The following L3MBTL4 variants were observed in gnomAD, a reference collection of about 807,000 sequenced individuals.
The protein encoded by L3MBTL4 is lethal(3)malignant brain tumor-like protein 4.
A neutral mutation model predicts 84.5 loss-of-function variants in L3MBTL4; 70 were observed. The observed-to-expected ratio is 0.83, with a 90% CI of 0.68 to 1.01. L3MBTL4 has a LOEUF of 1.01. Ranked by LOEUF, L3MBTL4 falls within the 50% of genes least tolerant of loss-of-function variation. The pLI is 0.00. For missense variants in L3MBTL4, 715 were observed against 754.8 expected, an observed-to-expected ratio of 0.95 and a Z score of 0.62; for synonymous variants, 274 against 259.8, an observed-to-expected ratio of 1.05 and a Z score of -0.52.
At chr18:6,057,592 C>T (rs2057069757) in intron 16 of L3MBTL4, among the ~76,000 whole-genome samples, 3 of 151,722 alleles carry the variant, frequency 2.0e-5, no homozygotes, top group Admixed American at 2.0e-4. Context: ...TTTTTCTGAA[C>T]CTCAAAATCA....
chr18:6,125,730 T>A (rs1039595435), intron 14 of L3MBTL4, among the ~76,000 whole-genome samples: 2 of 152,212 alleles, frequency 1.3e-5, no homozygotes, highest in Non-Finnish European at 2.9e-5. Flanking sequence ...GTGCCTGACC[T>A]TCTTTTTAAG....
intron 10 of L3MBTL4, among the ~76,000 whole-genome samples, chr18:6,217,126 T>C (rs2046359188): frequency 6.6e-6 from 1 of 151,994 alleles, no homozygotes; most frequent in Admixed American, 6.6e-5. Context: ...ATTTTTATGC[T>C]TTTTAATAAA....
At chr18:6,371,906 T>A (rs539177332) in intron 1 of L3MBTL4, among the ~76,000 whole-genome samples, 1 of 152,320 alleles carries the variant, frequency 6.6e-6, no homozygotes, top group South Asian at 2.1e-4. Flanking sequence ...CACAATAGCC[T>A]CTCTTCAATG....
chr18:6,115,646 T>C (rs1243217949), intron 14 of L3MBTL4, among the ~76,000 whole-genome samples: 1 of 152,166 alleles, frequency 6.6e-6, no homozygotes, highest in African/African-American at 2.4e-5. Flanking sequence ...CGAGCACATT[T>C]AAATGTGTCT....
chr18:6,319,745 T>G (rs1241867164), intron 1 of L3MBTL4, among the ~76,000 whole-genome samples: 1 of 152,062 alleles, frequency 6.6e-6, no homozygotes, highest in Non-Finnish European at 1.5e-5. Context: ...TCTGAAAGAC[T>G]GAGAAAGAGG....
Position 6,138,314 on chromosome 18 carries a change from A to G in L3MBTL4, c.1097-18T>C, listed in dbSNP as rs2060092528. The G allele has an allele frequency of 1.3e-6, 2 of 1,515,920 alleles. No individual in the cohort carries two copies. Among genetic ancestry groups the G allele is most frequent in the Admixed American group, 1.7e-5 (1 of 57,994 alleles). 93.9% of individuals were successfully genotyped at this position (1,515,920 alleles called of 1,614,324 possible). ...ATTCGTTCCTTCAGGAAGTAAAAGAACATGCCTTGAAAACACCCTCATTAA... is the reference window on the plus strand; with the variant it reads ...ATTCGTTCCTTCAGGAAGTAAAAGAGCATGCCTTGAAAACACCCTCATTAA... On this transcript the variant is annotated intron_variant, in intron 13 of 18. Transcript: ENST00000317931.
intron 13 of L3MBTL4, among the ~76,000 whole-genome samples, chr18:6,141,909 T>G (rs2060207392): frequency 6.6e-6 from 1 of 152,200 alleles, no homozygotes; most frequent in Admixed American, 6.5e-5. Flanking sequence ...CCTACATGAT[T>G]TATGATTGGA....
intron 16 of L3MBTL4, among the ~76,000 whole-genome samples, chr18:5,990,525 C>T (rs1237369154): frequency 6.6e-6 from 1 of 152,112 alleles, no homozygotes; most frequent in East Asian, 1.9e-4. Context: ...TAGTCACAAA[C>T]CCAGAATCAT....
At chr18:5,997,610 C>T (rs559670116) in intron 16 of L3MBTL4, among the ~76,000 whole-genome samples, 41 of 152,234 alleles carry the variant, frequency 2.7e-4, no homozygotes, top group Non-Finnish European at 4.7e-4. Flanking sequence ...AAGCCCCCTC[C>T]CCCACCTTGA....
At chr18:6,393,979 A>G (rs1212102626) in intron 1 of L3MBTL4, among the ~76,000 whole-genome samples, 1 of 151,760 alleles carries the variant, frequency 6.6e-6, no homozygotes, top group East Asian at 1.9e-4. Context: ...CTGTTCCTCA[A>G]CCAAGCCCAC....
At chr18:6,081,593 T>C (rs1451325052) in intron 15 of L3MBTL4, among the ~76,000 whole-genome samples, 1 of 152,208 alleles carries the variant, frequency 6.6e-6, no homozygotes, top group African/African-American at 2.4e-5. Flanking sequence ...AAGTAATTTA[T>C]TTGTATATAT....
rs377115473 is a variant in L3MBTL4, at chr18:6,264,017, C to T, written c.149G>A (p.Gly50Glu). ...LSHVPSAAAQ[G>E]AWSWEWYLKE... ...CAAGTACCACTCCCAAGACCATGCTCCCTGTGCAGCCGCTGAAGGGACTGG... is the reference window on the plus strand; with the variant it reads ...CAAGTACCACTCCCAAGACCATGCTTCCTGTGCAGCCGCTGAAGGGACTGG... Residue 50 changes from glycine to glutamate, a missense_variant, in exon 5 of 19, where the codon GGA (glycine) becomes GAA (glutamate). Transcript: ENST00000317931. 8.1e-6 allele frequency: 13 copies of T among 1,613,620 alleles called. No individual in the cohort carries two copies.
chr18:6,149,761 TAAG>T (rs2144809623), intron 13 of L3MBTL4, among the ~76,000 whole-genome samples: 1 of 152,294 alleles, frequency 6.6e-6, no homozygotes, highest in African/African-American at 2.4e-5. Context: ...AATCAGCCTT[TAAG>T]AAAACCCACC....
chr18:5,976,533 C>T (rs1371250241), intron 16 of L3MBTL4, among the ~76,000 whole-genome samples: 1 of 152,112 alleles, frequency 6.6e-6, no homozygotes, highest in Non-Finnish European at 1.5e-5. Context: ...CTTGAGTAGC[C>T]TGGATTACAC....
At chr18:6,052,049 AC>A (rs750101072) in intron 16 of L3MBTL4, among the ~76,000 whole-genome samples, 50 of 152,294 alleles carry the variant, frequency 3.3e-4, no homozygotes, top group Middle Eastern at 6.8e-3. Context: ...TTTCCCTAAT[AC>A]CAATTGTTCA....
At chr18:6,268,423 T>C (rs1349945100) in intron 4 of L3MBTL4, among the ~76,000 whole-genome samples, 1 of 152,166 alleles carries the variant, frequency 6.6e-6, no homozygotes. Flanking sequence ...AAAAATTGTT[T>C]AATGAATTAA....
At chr18:6,050,783 G>A (rs1252008424) in intron 16 of L3MBTL4, among the ~76,000 whole-genome samples, 1 of 152,138 alleles carries the variant, frequency 6.6e-6, no homozygotes, top group African/African-American at 2.4e-5. Context: ...AAGCTAAGGG[G>A]GGGAATTTTT....
In L3MBTL4 at chr18:6,080,365, CT is replaced by C. The variant is rs1207889035; in HGVS notation, c.1444+515del. ...ATATAATCCAACCTCAAAATTCTGTCTATATGGAGCCTTCATTGGAAAGAAA... is the reference window on the plus strand; with the variant it reads ...ATATAATCCAACCTCAAAATTCTGTCATATGGAGCCTTCATTGGAAAGAAA... On this transcript the variant is annotated intron_variant, in intron 16 of 18. Coordinates refer to ENST00000317931, the MANE Select transcript of L3MBTL4 (RefSeq NM_001330559.2). Among the ~76,000 whole-genome samples, 12 of 152,350 alleles carry C rather than the reference CT, an allele frequency of 7.9e-5. No individual in the cohort carries two copies. In the East Asian group the frequency reaches 2.1e-3, roughly 27 times the overall value.
At chr18:6,017,595 G>A (rs1375109268) in intron 16 of L3MBTL4, 2 of 152,196 alleles carry the variant, frequency 1.3e-5, no homozygotes, top group Admixed American at 1.3e-4. Context: ...CCCGTTAAAT[G>A]AGGAGGCAGA....
Sources: allele counts gnomAD v4.1 joint callset (sites outside exome capture counted in the v4.1 genomes callset), GRCh38; gene constraint gnomAD v4.1.1; transcripts MANE v1.5; gene names NCBI Gene and HGNC (gene_info 2026-07-23, HGNC 2026-07-21).